Variants in TXNL4A observed in about 807,000 individuals in gnomAD.
TXNL4A encodes the protein thioredoxin like 4A.
TXNL4A carries 17 observed loss-of-function variants against 14.6 expected under a neutral mutation model. The ratio of observed to expected loss-of-function variants is 1.16; its 90% confidence interval spans 0.80 to 1.74. The LOEUF is 1.74. TXNL4A is among the 40% of genes most tolerant of loss of function. The probability of loss-of-function intolerance (pLI) is 0.00; values close to 1 mark genes in which losing one functional copy is unlikely to be tolerated. For missense variants in TXNL4A, 74 were observed against 195.2 expected (o/e 0.38, Z 3.70); for synonymous variants, 83 against 70.6 (o/e 1.18, Z -0.88).
upstream of TXNL4A, among the ~76,000 whole-genome samples, chr18:79,993,212 G>A (rs552848276): frequency 1.1e-4 from 17 of 152,248 alleles, no homozygotes; most frequent in Middle Eastern, 3.4e-3. This position sits in a 1 kb window ranked among gnomAD's most constrained non-coding sequence, Gnocchi z 4.4. Context: ...TGGGCACCTT[G>A]TAGCCTAAAC....
intron 1 of TXNL4A, among the ~76,000 whole-genome samples, chr18:80,026,200 A>G (rs891918300): frequency 1.3e-5 from 2 of 152,240 alleles, no homozygotes; most frequent in Admixed American, 1.3e-4. Flanking sequence ...TAGCTGACCG[A>G]TTATCCCACG....
chr18:80,032,431 G>C (rs1462217822), intron 1 of TXNL4A, among the ~76,000 whole-genome samples: 2 of 152,216 alleles, frequency 1.3e-5, no homozygotes, highest in Non-Finnish European at 2.9e-5. Context: ...CTGGGAACTG[G>C]GTCACGCAAA....
Position 79,973,750 on chromosome 18 carries a change from C to T in TXNL4A, c.364G>A (p.Gly122Arg). The T allele has an allele frequency of 1.2e-6, 2 of 1,614,190 alleles. No individual in the cohort carries two copies. The highest frequency in any genetic ancestry group is 8.5e-7 in the Non-Finnish European group (1 of 1,180,040). ...ACCAGGCCGCGGCCTTTGCGGGCCC[C>T]GCGGTACACCGTCTCGATGATGTCC... is the stretch of plus-strand genomic sequence containing the variant. ...MVDIIETVYR[G>R]ARKGRGLVVS... Residue 122 changes from glycine to arginine, a missense_variant, in exon 3 of 3, where the codon GGG becomes AGG. Physicochemically the swap from Gly to Arg is moderately radical, Grantham distance 125. Coordinates refer to ENST00000269601, the MANE Select transcript of TXNL4A (RefSeq NM_006701.5).
intron 1 of TXNL4A, among the ~76,000 whole-genome samples, chr18:80,028,799 A>G (rs1037054285): frequency 4.6e-5 from 7 of 152,194 alleles, no homozygotes; most frequent in Non-Finnish European, 5.9e-5. Context: ...GATGCTATGG[A>G]AAGACGGAGG....
chr18:79,989,221 TCTC>T (rs1197394054), upstream of TXNL4A, among the ~76,000 whole-genome samples: 3 of 152,068 alleles, frequency 2.0e-5, no homozygotes, highest in Admixed American at 1.3e-4. Context: ...GTCAAGCGCT[TCTC>T]CTGCCTCCGC....
In TXNL4A at chr18:79,975,200, C is replaced by A. The variant is rs138467025; in HGVS notation, c.258-1344G>T. Among the ~76,000 whole-genome samples, 788 of 152,286 alleles carry A rather than the reference C, an allele frequency of 5.2e-3. 8 individuals carry two copies. The highest frequency in any genetic ancestry group is 0.018 in the African/African-American group (738 of 41,546). ...CCTCCTTTCACTTCTTCAGAACCCC[C>A]TGCTAATTTACTCAGCTGTTTCTAT... On this transcript the variant is annotated intron_variant, in intron 2 of 2. Transcript: ENST00000269601.
rs577591023 is a variant in TXNL4A, at chr18:79,971,191, A to G, written c.*2494T>C. 2 of 152,312 alleles carry G rather than the reference A, an allele frequency of 1.3e-5. No individual in the cohort carries two copies. The highest frequency in any genetic ancestry group is 4.8e-5 in the African/African-American group (2 of 41,576). 9.4% of individuals were successfully genotyped at this position (152,312 alleles called of 1,614,324 possible). On this transcript the variant is annotated 3_prime_UTR_variant, in exon 3 of 3. Transcript: ENST00000269601. ...ATAATATTCCGTTCTATGGATGGAC[A>G]TTTTGTTTAACCGTTCATCTGTTGA... is the stretch of plus-strand genomic sequence containing the variant.
chr18:79,999,460 C>T (rs185947966), intron 1 of TXNL4A, among the ~76,000 whole-genome samples: 26 of 141,698 alleles, frequency 1.8e-4, no homozygotes, highest in Non-Finnish European at 3.3e-4. Flanking sequence ...TGCTTGAACC[C>T]GGGAGGTGGA....
At chr18:80,004,940 G>A (rs756631155) in intron 1 of TXNL4A, among the ~76,000 whole-genome samples, 67 of 152,298 alleles carry the variant, frequency 4.4e-4, no homozygotes, top group Non-Finnish European at 9.0e-4. Flanking sequence ...TGAAAATCAG[G>A]ACAACTAACA....
At chr18:80,028,768 C>T (rs1054023796) in intron 1 of TXNL4A, among the ~76,000 whole-genome samples, 2 of 152,176 alleles carry the variant, frequency 1.3e-5, no homozygotes, top group South Asian at 2.1e-4. Flanking sequence ...TGCTATGCTT[C>T]TAGGGTTTGC....
chr18:79,977,179 G>C (rs578076624), intron 2 of TXNL4A, among the ~76,000 whole-genome samples: 1 of 152,008 alleles, frequency 6.6e-6, no homozygotes, highest in African/African-American at 2.4e-5. Context: ...AGCTGGTCTC[G>C]AACTCCTGAC....
At chr18:80,003,318 C>A (rs1381444034) in intron 1 of TXNL4A, among the ~76,000 whole-genome samples, 5 of 152,214 alleles carry the variant, frequency 3.3e-5, no homozygotes, top group African/African-American at 9.6e-5. Flanking sequence ...CAGTGTGACA[C>A]CCCACCAGGT....
chr18:79,994,342 C>CG (rs1296377710), intron 1 of TXNL4A, among the ~76,000 whole-genome samples: 1 of 152,130 alleles, frequency 6.6e-6, no homozygotes, highest in African/African-American at 2.4e-5. Context: ...GAGTAGCCAG[C>CG]GGGGGGAAAG....
intron 1 of TXNL4A, among the ~76,000 whole-genome samples, chr18:79,998,187 G>A (rs1935678346): frequency 6.6e-6 from 1 of 152,144 alleles, no homozygotes; most frequent in Non-Finnish European, 1.5e-5. Flanking sequence ...CAGCTACTCT[G>A]GAGGCTGAGG....
intron 1 of TXNL4A, among the ~76,000 whole-genome samples, chr18:80,022,198 G>C (rs910665578): frequency 1.3e-5 from 2 of 152,160 alleles, no homozygotes; most frequent in African/African-American, 4.8e-5. Flanking sequence ...TCCTGCAGGG[G>C]CAACAGTGAA....
At chr18:80,026,358 G>C (rs1488821519) in intron 1 of TXNL4A, among the ~76,000 whole-genome samples, 1 of 152,164 alleles carries the variant, frequency 6.6e-6, no homozygotes, top group Admixed American at 6.5e-5. Flanking sequence ...TGCTGTAAAA[G>C]TCCGGGACCC....
At chr18:80,002,745 G>A (rs1437239825) in intron 1 of TXNL4A, among the ~76,000 whole-genome samples, 1 of 152,208 alleles carries the variant, frequency 6.6e-6, no homozygotes, top group East Asian at 1.9e-4. Context: ...AGCACATAAA[G>A]TTAGAAACCC....
chr18:80,016,849 C>CT (rs1254599315), intron 1 of TXNL4A, among the ~76,000 whole-genome samples: 73 of 150,086 alleles, frequency 4.9e-4, no homozygotes, highest in Non-Finnish European at 9.4e-4. Flanking sequence ...GATGCGGGCT[C>CT]TTTTTTGGTT....
intron 1 of TXNL4A, among the ~76,000 whole-genome samples, chr18:80,028,115 C>T (rs1402268866): frequency 6.6e-6 from 1 of 151,298 alleles, no homozygotes; most frequent in African/African-American, 2.4e-5. Context: ...CCTTTTCACA[C>T]ACAAAACTGG....
Sources: allele counts gnomAD v4.1 joint callset (sites outside exome capture counted in the v4.1 genomes callset), GRCh38; gene constraint gnomAD v4.1.1; non-coding constraint Gnocchi (gnomAD v3.1); transcripts MANE v1.5; gene names NCBI Gene and HGNC (gene_info 2026-07-23, HGNC 2026-07-21).